IFT56: variants seen among roughly 807,000 people sequenced by gnomAD.
IFT56 encodes intraflagellar transport protein 56.
At chr7:139,181,046 A>G in the IFT56 span, 31 of 1,192,770 alleles carry the variant, frequency 2.6e-5, no homozygotes, top group Non-Finnish European at 3.8e-5. Context: ...ATTTTTGTAC[A>G]GTAAAAATGA....
the IFT56 span, chr7:139,169,330 G>A: frequency 2.4e-5 from 38 of 1,613,894 alleles, no homozygotes; most frequent in South Asian, 3.7e-4. Flanking sequence ...TCCAGTTGGT[G>A]GGAGGATCAG....
the IFT56 span, among the ~76,000 whole-genome samples, chr7:139,138,485 C>T: frequency 0.023 from 3,429 of 152,166 alleles, 97 homozygotes; most frequent in African/African-American, 0.076. Flanking sequence ...AAACATATCC[C>T]CTGTGGATAA....
the IFT56 span, chr7:139,189,508 G>T: frequency 9.0e-6 from 9 of 997,608 alleles, no homozygotes; most frequent in African/African-American, 1.4e-4. Context: ...AGTTTAATCT[G>T]TGATACAGGG....
At chr7:139,180,269 G>A in the IFT56 span, among the ~76,000 whole-genome samples, 6 of 152,182 alleles carry the variant, frequency 3.9e-5, no homozygotes, top group African/African-American at 4.8e-5. Flanking sequence ...CCCGGGAGGC[G>A]GAGCTGCAGT....
chr7:139,161,904 C>T, the IFT56 span, among the ~76,000 whole-genome samples: 3 of 151,930 alleles, frequency 2.0e-5, no homozygotes, highest in South Asian at 2.1e-4. Context: ...AATTGAAACC[C>T]GATTAATTTT....
the IFT56 span, chr7:139,179,500 A>C: frequency 8.0e-7 from 1 of 1,255,494 alleles, no homozygotes; most frequent in South Asian, 1.2e-5. Flanking sequence ...CATCAATCTA[A>C]GGCAAGCCAA....
chr7:139,184,807 C>A, the IFT56 span, among the ~76,000 whole-genome samples: 13 of 152,046 alleles, frequency 8.6e-5, no homozygotes, highest in Non-Finnish European at 1.8e-4. Context: ...GTAATCCCAG[C>A]ACTTTGGGAG....
chr7:139,159,633 C>G, the IFT56 span, among the ~76,000 whole-genome samples: 30 of 152,122 alleles, frequency 2.0e-4, no homozygotes, highest in Admixed American at 1.9e-3. Context: ...AATGCAGATA[C>G]AGATGTGACA....
chr7:139,184,574 T>G, the IFT56 span, among the ~76,000 whole-genome samples: 4 of 152,306 alleles, frequency 2.6e-5, no homozygotes, highest in East Asian at 7.7e-4. Context: ...TGCATGTGAC[T>G]GTAAAAGGGT....
the IFT56 span, among the ~76,000 whole-genome samples, chr7:139,155,846 A>G: frequency 9.2e-4 from 140 of 152,260 alleles, no homozygotes; most frequent in Non-Finnish European, 1.7e-3. Context: ...AAGAGCTGGT[A>G]TTAACTCTTC....
chr7:139,147,207 AC>A, the IFT56 span: 1 of 1,613,668 alleles, frequency 6.2e-7, no homozygotes, highest in African/African-American at 1.3e-5. Context: ...CAGAAGATCA[AC>A]TCAGTTTGGC....
At chr7:139,168,574 A>AG in the IFT56 span, 1 of 589,704 alleles carries the variant, frequency 1.7e-6, no homozygotes, top group Non-Finnish European at 3.1e-6. Flanking sequence ...AGAGACAAAA[A>AG]AAAAAAACAA....
chr7:139,166,696 C>T, the IFT56 span: 28 of 473,842 alleles, frequency 5.9e-5, no homozygotes, highest in African/African-American at 4.4e-4. Context: ...TACTCAACAC[C>T]GAACATGGAG....
the IFT56 span, among the ~76,000 whole-genome samples, chr7:139,148,780 G>T: frequency 6.6e-6 from 1 of 151,350 alleles, no homozygotes; most frequent in Non-Finnish European, 1.5e-5. Flanking sequence ...AATTAGCTGG[G>T]TGTGGTGGTG....
At chr7:139,175,007 T>C in the IFT56 span, among the ~76,000 whole-genome samples, 2 of 149,498 alleles carry the variant, frequency 1.3e-5, no homozygotes, top group African/African-American at 5.0e-5. Context: ...GACAACAAGA[T>C]TGGAACCCCG....
the IFT56 span, among the ~76,000 whole-genome samples, chr7:139,180,505 T>G: frequency 6.6e-6 from 1 of 151,830 alleles, no homozygotes; most frequent in African/African-American, 2.4e-5. Context: ...AGGCCAGGAG[T>G]TAAAGACCAG....
At chr7:139,168,754 A>G in the IFT56 span, among the ~76,000 whole-genome samples, 39,342 of 151,982 alleles carry the variant, frequency 0.26, 9,370 homozygotes, top group African/African-American at 0.61. Flanking sequence ...TCTGTAAAGT[A>G]GGGAAAATTG....
At chr7:139,149,700 G>C in the IFT56 span, among the ~76,000 whole-genome samples, 1 of 152,078 alleles carries the variant, frequency 6.6e-6, no homozygotes, top group African/African-American at 2.4e-5. Flanking sequence ...GCACCATGCA[G>C]AACACTTTAA....
chr7:139,142,810 C>A, the IFT56 span, among the ~76,000 whole-genome samples: 1 of 151,936 alleles, frequency 6.6e-6, no homozygotes, highest in African/African-American at 2.4e-5. Flanking sequence ...CCAGCCTGGG[C>A]GACAGCACGA....
Sources: allele counts gnomAD v4.1 joint callset (sites outside exome capture counted in the v4.1 genomes callset), GRCh38; gene constraint gnomAD v4.1.1; transcripts MANE v1.5; gene names NCBI Gene and HGNC (gene_info 2026-07-23, HGNC 2026-07-21).